RNF216: variants seen among roughly 807,000 people sequenced by gnomAD.
RNF216 encodes E3 ubiquitin-protein ligase RNF216.
Under a neutral mutation model 110.8 loss-of-function variants are expected in RNF216, and 72 were observed. The observed-to-expected ratio is 0.65, with a 90% CI of 0.54 to 0.79. RNF216 has a LOEUF of 0.79. Ranked by LOEUF, RNF216 falls within the 30% of genes least tolerant of loss-of-function variation. The probability of loss-of-function intolerance (pLI) is 0.00; values close to 1 mark genes in which losing one functional copy is unlikely to be tolerated. For synonymous variants in RNF216, 495 were observed against 407.5 expected (o/e 1.21, Z -2.59); for missense variants, 1,342 against 1,141.2 (o/e 1.18, Z -2.54).
chr7:5,775,883 A>C (rs1796748006), intron 1 of RNF216, among the ~76,000 whole-genome samples: 1 of 152,044 alleles, frequency 6.6e-6, no homozygotes, highest in Non-Finnish European at 1.5e-5. Context: ...AAAAAAAGAA[A>C]AAGTGGGCAA....
intron 8 of RNF216, among the ~76,000 whole-genome samples, chr7:5,722,632 C>T (rs1263343728): frequency 2.0e-5 from 3 of 151,976 alleles, no homozygotes; most frequent in East Asian, 3.9e-4. Flanking sequence ...CCTCGTGATC[C>T]GCCTGCCTCG....
At chr7:5,716,799 A>C (rs763827346) in intron 9 of RNF216, 33 bp from the exon 10 acceptor site, 1 of 1,565,020 alleles carries the variant, frequency 6.4e-7, no homozygotes, top group South Asian at 1.2e-5. Flanking sequence ...ATTCAGACAC[A>C]AATTTAGTAA....
At chr7:5,640,027 G>C (rs1292121196) in intron 15 of RNF216, among the ~76,000 whole-genome samples, 1 of 151,728 alleles carries the variant, frequency 6.6e-6, no homozygotes, top group African/African-American at 2.4e-5. Flanking sequence ...CCAAAGTGCT[G>C]GGATTACAGG....
chr7:5,640,530 G>C (rs1371720197), intron 15 of RNF216, among the ~76,000 whole-genome samples: 2 of 152,036 alleles, frequency 1.3e-5, no homozygotes, highest in Non-Finnish European at 2.9e-5. Flanking sequence ...CAGACCCTAT[G>C]TGTTTAATTT....
rs553688117 is a variant in RNF216, at chr7:5,634,031, T to C, written c.2382+7123A>G. On this transcript the variant is annotated intron_variant, in intron 15 of 16. Transcript: ENST00000389902. ...ATTCAATTTATTTTCACAAATCAGA[T>C]ATGAACAGTAATCAGCAGCCACAGG... 2.6e-5 allele frequency among the ~76,000 whole-genome samples: 4 copies of C among 152,358 alleles called. 2 individuals carry two copies. Among genetic ancestry groups the C allele is most frequent in the African/African-American group, 9.6e-5 (4 of 41,582 alleles).
chr7:5,742,110 G>C (rs571629070), intron 3 of RNF216, among the ~76,000 whole-genome samples: 2 of 152,110 alleles, frequency 1.3e-5, no homozygotes, highest in African/African-American at 4.8e-5. Flanking sequence ...GCAATGGTGC[G>C]ATCTCGGCTC....
At chr7:5,676,678 A>T (rs1440455823) in intron 13 of RNF216, among the ~76,000 whole-genome samples, 2 of 152,228 alleles carry the variant, frequency 1.3e-5, no homozygotes. Flanking sequence ...CCGGCTGAAA[A>T]GTCTGGGCCC....
intron 15 of RNF216, among the ~76,000 whole-genome samples, chr7:5,633,726 C>G (rs1787222608): frequency 6.6e-6 from 1 of 152,178 alleles, no homozygotes. Flanking sequence ...GGCTTGCTGC[C>G]TGCTGCATGC....
At chr7:5,689,664 G>A (rs999751362) in intron 13 of RNF216, among the ~76,000 whole-genome samples, 1 of 152,142 alleles carries the variant, frequency 6.6e-6, no homozygotes, top group Non-Finnish European at 1.5e-5. Flanking sequence ...TTAATAAATA[G>A]TACAAAGGCC....
At chr7:5,637,369 A>T (rs1787458326) in intron 15 of RNF216, among the ~76,000 whole-genome samples, 1 of 152,200 alleles carries the variant, frequency 6.6e-6, no homozygotes, top group Non-Finnish European at 1.5e-5. Context: ...CAGGCTAGCT[A>T]AGGGTTTCAC....
chr7:5,662,091 C>G (rs1004427616), intron 13 of RNF216, among the ~76,000 whole-genome samples: 7 of 152,192 alleles, frequency 4.6e-5, no homozygotes, highest in African/African-American at 1.4e-4. Context: ...ATCAGGGCAT[C>G]AAAGGCATGG....
intron 13 of RNF216, among the ~76,000 whole-genome samples, chr7:5,671,025 A>G (rs1789874339): frequency 6.6e-6 from 1 of 152,226 alleles, no homozygotes; most frequent in South Asian, 2.1e-4. Flanking sequence ...GATGTTGCTA[A>G]TATCATTTGT....
At chr7:5,699,639 A>G (rs923968461) in intron 13 of RNF216, among the ~76,000 whole-genome samples, 3 of 152,214 alleles carry the variant, frequency 2.0e-5, no homozygotes, top group African/African-American at 7.2e-5. Context: ...TCCCAGGGGA[A>G]TTGTACAGAA....
At chr7:5,736,567 C>T (rs1289303588) in intron 5 of RNF216, among the ~76,000 whole-genome samples, 1 of 152,176 alleles carries the variant, frequency 6.6e-6, no homozygotes, top group Non-Finnish European at 1.5e-5. Flanking sequence ...AGGAGCGTCT[C>T]TGCCTGGCCG....
At chr7:5,638,046 C>T (rs1787504638) in intron 15 of RNF216, among the ~76,000 whole-genome samples, 1 of 152,192 alleles carries the variant, frequency 6.6e-6, no homozygotes, top group Non-Finnish European at 1.5e-5. Flanking sequence ...CCCACACCCT[C>T]TCCTTTGCCG....
At chr7:5,700,742 G>A (rs1278617919) in intron 13 of RNF216, among the ~76,000 whole-genome samples, 2 of 152,120 alleles carry the variant, frequency 1.3e-5, no homozygotes, top group African/African-American at 4.8e-5. Context: ...CAACAACAAA[G>A]AGACAAGTAG....
At chr7:5,770,351 C>T (rs1348320210) in intron 1 of RNF216, among the ~76,000 whole-genome samples, 1 of 151,786 alleles carries the variant, frequency 6.6e-6, no homozygotes, top group South Asian at 2.1e-4. Flanking sequence ...ATCCCAGCTA[C>T]TCAGGAGGCT....
At chr7:5,758,179 AAAC>A (rs1214845070) in intron 2 of RNF216, among the ~76,000 whole-genome samples, 3 of 152,264 alleles carry the variant, frequency 2.0e-5, no homozygotes, top group African/African-American at 7.2e-5. Flanking sequence ...TCCAATTAAA[AAAC>A]AACTATAAAA....
At chr7:5,691,032 GTCGT>G (rs879347925) in intron 13 of RNF216, among the ~76,000 whole-genome samples, 5 of 152,162 alleles carry the variant, frequency 3.3e-5, no homozygotes, top group Admixed American at 3.3e-4. Flanking sequence ...TTTTCTGCCT[GTCGT>G]CTCTTCCCAG....
Sources: gnomAD v4.1 joint callset for allele counts (sites outside exome capture counted in the v4.1 genomes callset) on GRCh38, gnomAD v4.1.1 for gene constraint, MANE v1.5 for transcripts, NCBI Gene and HGNC (gene_info 2026-07-23, HGNC 2026-07-21) for gene names.